The following SCGN variants were observed in gnomAD, a reference collection of about 807,000 sequenced individuals.
The protein encoded by SCGN is secretagogin, EF-hand calcium binding protein.
In SCGN, 30 loss-of-function variants were observed where a neutral mutation model predicts 39.7. The ratio of observed to expected loss-of-function variants is 0.76; its 90% CI spans 0.57 to 1.03. The LOEUF (loss-of-function observed/expected upper bound fraction) is 1.03, where lower values mean the gene tolerates loss of function less well. Ranked by LOEUF, SCGN falls within the 50% of genes least tolerant of loss-of-function variation. The pLI, the probability that SCGN is intolerant of heterozygous loss-of-function variation, is 0.00. For synonymous variants in SCGN, 106 were observed against 114.1 expected, an observed-to-expected ratio of 0.93 and a Z score of 0.45; for missense variants, 353 against 349.4, an observed-to-expected ratio of 1.01 and a Z score of -0.08.
intron 6 of SCGN, chr6:25,679,103 A>G (rs1305192958): frequency 1.3e-5 from 2 of 152,662 alleles, no homozygotes; most frequent in Non-Finnish European, 2.9e-5. Context: ...TCGTCCCTCC[A>G]CCACCATCAG....
intron 7 of SCGN, among the ~76,000 whole-genome samples, chr6:25,685,972 C>A (rs967475106): frequency 1.3e-5 from 2 of 152,150 alleles, no homozygotes; most frequent in Admixed American, 6.5e-5. Flanking sequence ...CTATTTTGGG[C>A]ATTTTATATA....
intron 6 of SCGN, among the ~76,000 whole-genome samples, chr6:25,680,627 A>G (rs752744672): frequency 6.6e-6 from 1 of 152,174 alleles, no homozygotes; most frequent in Non-Finnish European, 1.5e-5. Context: ...CTAGCTTTCT[A>G]TTAAGATAGA....
intron 10 of SCGN, 83 bp downstream of exon 10, chr6:25,691,207 G>A: frequency 2.0e-6 from 2 of 1,021,530 alleles, no homozygotes; most frequent in Non-Finnish European, 1.5e-6. Context: ...CAGTGAGACT[G>A]AAGGTTAATG....
intron 2 of SCGN, among the ~76,000 whole-genome samples, chr6:25,654,141 AG>A (rs1023026595): frequency 5.3e-5 from 8 of 152,228 alleles, no homozygotes; most frequent in African/African-American, 1.9e-4. Flanking sequence ...AAGCTCCAGT[AG>A]GGCATTCATA....
At chr6:25,669,298 G>A (rs1759458684) in intron 4 of SCGN, among the ~76,000 whole-genome samples, 1 of 152,016 alleles carries the variant, frequency 6.6e-6, no homozygotes, top group Admixed American at 6.5e-5. Context: ...AACCATTGTG[G>A]CCCTCCTTAA....
At position 25,656,718 on chromosome 6, in the gene SCGN, A is replaced by G. The variant is rs75789514; in HGVS notation, c.153+3266A>G. The stretch of plus-strand genomic sequence containing the variant: ...AGGAAGCCCCAGTTTCTTTTGCTTT[A>G]GGTCAAAGGGATAGTCATGAGCTTT... On this transcript the variant is annotated intron_variant, in intron 2 of 10. Transcript: ENST00000377961. Among the ~76,000 whole-genome samples the G allele has an allele frequency of 9.0e-3, 1,365 of 152,290 alleles. 17 individuals are homozygous for G. The highest frequency in any genetic ancestry group is 0.03 in the African/African-American group (1,233 of 41,558).
At chr6:25,681,432 C>T (rs533712118) in intron 6 of SCGN, among the ~76,000 whole-genome samples, 2 of 152,268 alleles carry the variant, frequency 1.3e-5, no homozygotes, top group South Asian at 4.1e-4. Flanking sequence ...TATAAAAATC[C>T]TGTTTTGCCT....
Position 25,665,141 on chromosome 6 carries a change from G to A in SCGN, c.336+109G>A, listed in dbSNP as rs1263986911. 11 of 811,984 alleles carry A rather than the reference G, an allele frequency of 1.4e-5. No individual in the cohort carries two copies. In the African/African-American group the frequency reaches 1.7e-4, roughly 13 times the overall value. 50.3% of individuals were successfully genotyped at this position (811,984 alleles called of 1,614,324 possible). On this transcript the variant is annotated intron_variant, in intron 4 of 10. Coordinates refer to ENST00000377961, the MANE Select transcript of SCGN (RefSeq NM_006998.4). The stretch of plus-strand genomic sequence containing the variant: ...CCTGCCCAGTGCTCAAGGGAGAGCT[G>A]AGCACAGAGGATAAGACCAAGCAAA...
intron 10 of SCGN, among the ~76,000 whole-genome samples, chr6:25,693,387 G>A (rs1759797636): frequency 2.8e-5 from 4 of 140,562 alleles, no homozygotes; most frequent in Admixed American, 2.3e-4. Context: ...GGGAGGCAGA[G>A]CTTGCAGTGA....
At chr6:25,694,118 A>C (rs1391137062) in intron 10 of SCGN, among the ~76,000 whole-genome samples, 1 of 152,254 alleles carries the variant, frequency 6.6e-6, no homozygotes, top group African/African-American at 2.4e-5. Flanking sequence ...TCATAACTTT[A>C]GTGACTATGA....
At chr6:25,659,464 C>T (rs1049777940) in intron 2 of SCGN, among the ~76,000 whole-genome samples, 1 of 152,180 alleles carries the variant, frequency 6.6e-6, no homozygotes, top group Non-Finnish European at 1.5e-5. Context: ...AGCTGCATCA[C>T]CCTTCTGGCC....
intron 2 of SCGN, among the ~76,000 whole-genome samples, chr6:25,654,350 A>G (rs1450648238): frequency 6.6e-6 from 1 of 152,196 alleles, no homozygotes; most frequent in African/African-American, 2.4e-5. Context: ...TGGTTCAGAA[A>G]CAAAAGGGCT....
At chr6:25,684,630 C>A (rs1180182724) in intron 7 of SCGN, among the ~76,000 whole-genome samples, 2 of 151,948 alleles carry the variant, frequency 1.3e-5, no homozygotes, top group Non-Finnish European at 2.9e-5. Context: ...CCTGTGTCTA[C>A]TAAAAATACA....
intron 10 of SCGN, 65 bp from the exon 11 acceptor site, chr6:25,701,142 G>A (rs962015468): frequency 6.5e-6 from 10 of 1,537,554 alleles, no homozygotes; most frequent in Admixed American, 1.9e-5. Flanking sequence ...GAGCATCAGA[G>A]AGGGTGTTAA....
chr6:25,686,371 C>T (rs1011529551), intron 7 of SCGN, among the ~76,000 whole-genome samples: 1 of 152,200 alleles, frequency 6.6e-6, no homozygotes, highest in Non-Finnish European at 1.5e-5. Flanking sequence ...ATATTCTAAT[C>T]AGCACTTGTT....
intron 2 of SCGN, among the ~76,000 whole-genome samples, chr6:25,653,765 T>C (rs1361483490): frequency 6.6e-6 from 1 of 152,234 alleles, no homozygotes; most frequent in East Asian, 1.9e-4. Context: ...GATTTATACC[T>C]GGGGGTAAAG....
Position 25,663,296 on chromosome 6 carries a change from A to G in SCGN, c.247-1647A>G, listed in dbSNP as rs73733727. ...TTTTCTAGCAAAAAACAAGATGGGA[A>G]AAAGGCCACCCTTAGTCTCAAAGGG... On this transcript the variant is annotated intron_variant, in intron 3 of 10. Transcript: ENST00000377961. Among the ~76,000 whole-genome samples, 1,301 of 152,356 alleles carry G rather than the reference A, an allele frequency of 8.5e-3. 19 individuals are homozygous for G. The highest frequency in any genetic ancestry group is 0.028 in the African/African-American group (1,177 of 41,580).
At chr6:25,687,858 T>C (rs542036338) in intron 7 of SCGN, among the ~76,000 whole-genome samples, 2 of 152,138 alleles carry the variant, frequency 1.3e-5, no homozygotes, top group East Asian at 3.9e-4. Flanking sequence ...GCATTTTTTT[T>C]GAGTTATTTT....
At chr6:25,657,956 A>G (rs1255460645) in intron 2 of SCGN, among the ~76,000 whole-genome samples, 1 of 89,062 alleles carries the variant, frequency 1.1e-5, no homozygotes, top group Non-Finnish European at 2.3e-5. Context: ...TCACTAATGT[A>G]TTTTTTCACA....
Sources: allele counts gnomAD v4.1 joint callset (sites outside exome capture counted in the v4.1 genomes callset), GRCh38; gene constraint gnomAD v4.1.1; transcripts MANE v1.5; gene names NCBI Gene and HGNC (gene_info 2026-07-23, HGNC 2026-07-21).